CCDC7: variants seen among roughly 807,000 people sequenced by gnomAD.
The protein encoded by CCDC7 is coiled-coil domain-containing protein 7.
In CCDC7, 183 loss-of-function variants were observed where a neutral mutation model predicts 196.9. The ratio of observed to expected loss-of-function variants is 0.93; its 90% CI spans 0.82 to 1.05. CCDC7 has a LOEUF of 1.05. Among genes scored for constraint, CCDC7 ranks in the 50% least tolerant of loss-of-function variants. The pLI is 0.00. For missense variants in CCDC7, 1,540 were observed against 1,482.2 expected, an observed-to-expected ratio of 1.04 and a Z score of -0.64; for synonymous variants, 525 against 484.6, an observed-to-expected ratio of 1.08 and a Z score of -1.10.
chr10:32,845,760 TCCATA>T (rs1325638675), intron 35 of CCDC7, 111 bp from the exon 37 acceptor site: 9 of 1,056,442 alleles, frequency 8.5e-6, no homozygotes. Flanking sequence ...TGAATACCCT[TCCATA>T]ATTACACACA....
intron 32 of CCDC7, among the ~76,000 whole-genome samples, chr10:32,827,148 G>A (rs563652249): frequency 7.9e-5 from 12 of 152,296 alleles, no homozygotes; most frequent in South Asian, 4.1e-4. Context: ...CCCCAGCCAC[G>A]CCTGTCATTG....
At chr10:32,500,014 C>G (rs1418544773) in intron 9 of CCDC7, among the ~76,000 whole-genome samples, 1 of 152,214 alleles carries the variant, frequency 6.6e-6, no homozygotes, top group Non-Finnish European at 1.5e-5. Context: ...TCTACACAGA[C>G]ACAGTAACAA....
rs116091349 is a variant in CCDC7, at chr10:32,684,212, T to A, written c.2123-1758T>A. ...ATTTCAGTATCCTAGATGGGGCCCT[T>A]ATCCTGGGGCGCATGGGAGATCCCT... On this transcript the variant is annotated intron_variant, in intron 21 of 41. Transcript: ENST00000639629. Among the ~76,000 whole-genome samples the A allele has an allele frequency of 5.0e-3, 762 of 152,232 alleles. 1 individual carries two copies. Among genetic ancestry groups the A allele is most frequent in the African/African-American group, 0.017 (716 of 41,536 alleles).
chr10:32,733,609 A>G (rs2084352645), intron 28 of CCDC7, among the ~76,000 whole-genome samples: 1 of 151,830 alleles, frequency 6.6e-6, no homozygotes, highest in Non-Finnish European at 1.5e-5. Context: ...GTATACATCT[A>G]TTAGATCAAA....
chr10:32,496,739 GC>G (rs1245032460), intron 9 of CCDC7, among the ~76,000 whole-genome samples: 1 of 152,162 alleles, frequency 6.6e-6, no homozygotes, highest in East Asian at 1.9e-4. Context: ...CAGGAATGAA[GC>G]CCACTGGATC....
chr10:32,738,057 T>C (rs1328318624), intron 28 of CCDC7, among the ~76,000 whole-genome samples: 3 of 152,160 alleles, frequency 2.0e-5, no homozygotes, highest in Non-Finnish European at 4.4e-5. Flanking sequence ...TCAACCGTAT[T>C]TGTAGCTATT....
At chr10:32,845,444 T>A in intron 34 of CCDC7, 99 bp from the exon 36 acceptor site, 1 of 1,255,228 alleles carries the variant, frequency 8.0e-7, no homozygotes, top group South Asian at 1.3e-5. Flanking sequence ...ATAAGTAAAA[T>A]TATTCATGAA....
intron 18 of CCDC7, among the ~76,000 whole-genome samples, chr10:32,610,431 T>A (rs1476942621): frequency 2.0e-5 from 3 of 152,112 alleles, no homozygotes; most frequent in Non-Finnish European, 2.9e-5. Flanking sequence ...TATTATTATT[T>A]TTTATTGTAC....
intron 7 of CCDC7, 56 bp downstream of exon 8, chr10:32,472,598 T>C: frequency 7.1e-7 from 1 of 1,412,658 alleles, no homozygotes; most frequent in Non-Finnish European, 9.4e-7. Flanking sequence ...ATTTTGTTAT[T>C]ATTTTTATCT....
intron 28 of CCDC7, among the ~76,000 whole-genome samples, chr10:32,738,137 A>G (rs1259537257): frequency 6.6e-6 from 1 of 152,096 alleles, no homozygotes; most frequent in African/African-American, 2.4e-5. Flanking sequence ...TCTGGCTTTA[A>G]TTACATATTT....
intron 18 of CCDC7, among the ~76,000 whole-genome samples, chr10:32,592,690 C>T (rs187558104): frequency 1.3e-5 from 2 of 152,150 alleles, no homozygotes; most frequent in East Asian, 3.9e-4. Flanking sequence ...CTAATGCTAT[C>T]CCTCCCTGCT....
At chr10:32,815,966 G>A (rs976350049) in intron 31 of CCDC7, among the ~76,000 whole-genome samples, 1 of 152,218 alleles carries the variant, frequency 6.6e-6, no homozygotes, top group African/African-American at 2.4e-5. Flanking sequence ...GAGGTACCGG[G>A]TTCATCTCAC....
intron 30 of CCDC7, among the ~76,000 whole-genome samples, chr10:32,812,412 T>C (rs1224190146): frequency 2.0e-5 from 3 of 152,036 alleles, no homozygotes; most frequent in African/African-American, 7.2e-5. Flanking sequence ...ACTATAACCA[T>C]GTCTTTATTA....
rs528174275 is a variant in CCDC7 at position 32,699,836 on chromosome 10, A to G, written c.2458+4844A>G. 2.1e-3 allele frequency among the ~76,000 whole-genome samples: 308 copies of G among 149,478 alleles called. 2 individuals carry two copies. Among genetic ancestry groups the G allele is most frequent in the Middle Eastern group, 0.01 (3 of 294 alleles). Reference sequence around the variant, plus strand: ...TGAGCATTTTTTCATCTGTCTGTTGACTGCATAAATGTCTTCTTTTGAGAA... The same window carrying G: ...TGAGCATTTTTTCATCTGTCTGTTGGCTGCATAAATGTCTTCTTTTGAGAA... On this transcript the variant is annotated intron_variant, in intron 24 of 41. Transcript: ENST00000639629.
intron 21 of CCDC7, among the ~76,000 whole-genome samples, chr10:32,680,692 T>G (rs2075737776): frequency 6.6e-6 from 1 of 152,164 alleles, no homozygotes; most frequent in Non-Finnish European, 1.5e-5. Context: ...CATTATCTAT[T>G]TGCCTGTCAT....
intron 25 of CCDC7, among the ~76,000 whole-genome samples, chr10:32,720,445 G>T (rs183942594): frequency 1.3e-5 from 2 of 152,042 alleles, no homozygotes; most frequent in East Asian, 3.9e-4. Context: ...CAAGGGGAGG[G>T]ATAGCATTAG....
intron 24 of CCDC7, among the ~76,000 whole-genome samples, chr10:32,699,013 A>G (rs2078187387): frequency 6.6e-6 from 1 of 152,210 alleles, no homozygotes; most frequent in South Asian, 2.1e-4. Context: ...CTCTCAGCAG[A>G]AACTGTACAA....
intron 25 of CCDC7, among the ~76,000 whole-genome samples, chr10:32,715,831 G>A (rs1198276635): frequency 1.3e-5 from 2 of 152,104 alleles, no homozygotes; most frequent in Non-Finnish European, 2.9e-5. Context: ...ATGAAATAAA[G>A]CATGAAGACA....
chr10:32,693,664 A>T (rs1470151859), intron 23 of CCDC7, among the ~76,000 whole-genome samples: 3 of 152,136 alleles, frequency 2.0e-5, no homozygotes, highest in African/African-American at 7.2e-5. Context: ...ATAAGAAAAA[A>T]AAATTGATTC....
Sources: allele counts gnomAD v4.1 joint callset (sites outside exome capture counted in the v4.1 genomes callset), GRCh38; gene constraint gnomAD v4.1.1; transcripts MANE v1.5; gene names NCBI Gene and HGNC (gene_info 2026-07-23, HGNC 2026-07-21).